Variants in ZFPM2 observed in about 807,000 individuals in gnomAD.
ZFPM2 encodes zinc finger protein, FOG family member 2.
In ZFPM2, 20 loss-of-function variants were observed where a neutral mutation model predicts 98.6. The observed-to-expected ratio is 0.20, with a 90% CI of 0.14 to 0.29. ZFPM2 has a LOEUF of 0.29. ZFPM2 is among the 10% of genes least tolerant of loss of function. The pLI, the probability that ZFPM2 is intolerant of heterozygous loss-of-function variation, is 1.00. For synonymous variants in ZFPM2, 518 were observed against 502.7 expected, an observed-to-expected ratio of 1.03 and a Z score of -0.41; for missense variants, 1,310 against 1,388.6, an observed-to-expected ratio of 0.94 and a Z score of 0.90.
chr8:105,600,411 A>T lies in ZFPM2; in HGVS notation c.421-33835A>T, dbSNP rs768604708. On this transcript the variant is annotated intron_variant, in intron 4 of 7. Transcript: ENST00000407775. ...TAAGGAAAACTGCATATGTATAAAA[A>T]AATACATCATTGAAACATTGAAGTC... Among the ~76,000 whole-genome samples, 66 of 152,144 alleles carry T rather than the reference A, an allele frequency of 4.3e-4. 2 individuals are homozygous for T. Among genetic ancestry groups the T allele is most frequent in the Non-Finnish European group, 1.0e-4 (7 of 68,016 alleles).
intron 1 of ZFPM2, among the ~76,000 whole-genome samples, chr8:105,327,160 A>G (rs1812130391): frequency 6.6e-6 from 1 of 151,350 alleles, no homozygotes; most frequent in Admixed American, 6.6e-5. Flanking sequence ...AAGATTTTTT[A>G]GCTAGTTGAC....
chr8:105,768,828 C>A (rs1322772536), intron 5 of ZFPM2, among the ~76,000 whole-genome samples: 1 of 151,700 alleles, frequency 6.6e-6, no homozygotes, highest in Non-Finnish European at 1.5e-5. Context: ...TACATACACA[C>A]ACACACACAC....
chr8:105,736,209 A>G (rs1277017014), intron 5 of ZFPM2, among the ~76,000 whole-genome samples: 1 of 152,010 alleles, frequency 6.6e-6, no homozygotes, highest in Non-Finnish European at 1.5e-5. Flanking sequence ...CAAGATATCT[A>G]TGAGTTGAAG....
rs374287758 is a variant in ZFPM2, at chr8:105,324,488, G to A, written c.40+5507G>A. On this transcript the variant is annotated intron_variant, in intron 1 of 7. Coordinates refer to ENST00000407775, the MANE Select transcript of ZFPM2 (RefSeq NM_012082.4). ...TTCAAATGATTTTTAAAAAAGAAAC[G>A]AAAGTCTAATTAGCCATTTCACTAT... Among the ~76,000 whole-genome samples, 56 of 151,806 alleles carry A rather than the reference G, an allele frequency of 3.7e-4. No individual in the cohort carries two copies. In the South Asian group the frequency reaches 9.1e-3, roughly 25 times the overall value.
intron 5 of ZFPM2, among the ~76,000 whole-genome samples, chr8:105,717,332 A>G (rs1182031841): frequency 6.6e-6 from 1 of 151,994 alleles, no homozygotes; most frequent in African/African-American, 2.4e-5. Flanking sequence ...GATTTTCCTC[A>G]CCACCACAGA....
At chr8:105,632,534 A>T (rs149209254) in intron 4 of ZFPM2, among the ~76,000 whole-genome samples, 5 of 152,284 alleles carry the variant, frequency 3.3e-5, no homozygotes, top group African/African-American at 1.2e-4. Context: ...AATATGCATC[A>T]TTAGGACCTA....
In ZFPM2 at chr8:105,572,750, A is replaced by G. The variant is rs551611194; in HGVS notation, c.420+11269A>G. On this transcript the variant is annotated intron_variant, in intron 4 of 7. Transcript: ENST00000407775. ...CTCCCAAAATGCTGGGATTACAGGC[A>G]TGAGCCACCGTGCCCAGCCTAAAGT... 2.8e-3 allele frequency among the ~76,000 whole-genome samples: 432 copies of G among 152,272 alleles called. 2 individuals are homozygous for G. Among genetic ancestry groups the G allele is most frequent in the African/African-American group, 0.01 (421 of 41,570 alleles).
intron 5 of ZFPM2, among the ~76,000 whole-genome samples, chr8:105,759,445 C>T (rs1812685949): frequency 6.6e-6 from 1 of 152,012 alleles, no homozygotes; most frequent in Non-Finnish European, 1.5e-5. Flanking sequence ...TCTTCCTGAG[C>T]CAGCTCAAAT....
chr8:105,411,484 A>G (rs1032422320), intron 1 of ZFPM2, among the ~76,000 whole-genome samples: 1 of 151,902 alleles, frequency 6.6e-6, no homozygotes, highest in African/African-American at 2.4e-5. Context: ...ATTTAAGTGG[A>G]TAATGAATAA....
Position 105,796,638 on chromosome 8 carries a change from C to CCAT in ZFPM2, c.740-2084_740-2082dup, listed in dbSNP as rs1264186272. ...TCGCCTTTAATGTTGTCTCCCTGAG[C>CCAT]CATCTCCTTCACTACCATGGGCTCC... is the stretch of plus-strand genomic sequence containing the variant. On this transcript the variant is annotated intron_variant, in intron 6 of 7. Coordinates refer to ENST00000407775, the MANE Select transcript of ZFPM2 (RefSeq NM_012082.4). 4 of 152,206 alleles carry CCAT rather than the reference C, an allele frequency of 2.6e-5. No individual in the cohort carries two copies. In the East Asian group the frequency reaches 7.7e-4, roughly 29 times the overall value. 9.4% of individuals were successfully genotyped at this position (152,206 alleles called of 1,614,324 possible).
chr8:105,445,937 T>C (rs549585459), intron 3 of ZFPM2, among the ~76,000 whole-genome samples: 9 of 151,784 alleles, frequency 5.9e-5, no homozygotes, highest in East Asian at 1.9e-4. Flanking sequence ...CTTTTTTTTT[T>C]TGAGACAGAG....
intron 1 of ZFPM2, among the ~76,000 whole-genome samples, chr8:105,326,278 T>C (rs1812113722): frequency 6.6e-6 from 1 of 151,760 alleles, no homozygotes; most frequent in Non-Finnish European, 1.5e-5. Context: ...TCCTCAGATA[T>C]GCTGATTACT....
intron 5 of ZFPM2, among the ~76,000 whole-genome samples, chr8:105,716,341 G>C (rs1811522658): frequency 6.6e-6 from 1 of 151,380 alleles, no homozygotes. Context: ...TCTCATATTA[G>C]ACATTGCATA....
chr8:105,386,731 G>A (rs10955394), intron 1 of ZFPM2, among the ~76,000 whole-genome samples: 9 of 151,842 alleles, frequency 5.9e-5, no homozygotes, highest in Non-Finnish European at 1.2e-4. Context: ...GTCTCTTATC[G>A]GGCCCCACCC....
chr8:105,348,493 A>G (rs1198062276), intron 1 of ZFPM2, among the ~76,000 whole-genome samples: 1 of 152,188 alleles, frequency 6.6e-6, no homozygotes, highest in African/African-American at 2.4e-5. Flanking sequence ...GTGAAAGCCT[A>G]TTGATTATAT....
At chr8:105,449,425 G>T (rs1812442579) in intron 3 of ZFPM2, among the ~76,000 whole-genome samples, 1 of 151,872 alleles carries the variant, frequency 6.6e-6, no homozygotes, top group South Asian at 2.1e-4. Flanking sequence ...TATTTAAATA[G>T]ATTTTAATAT....
chr8:105,344,272 A>G (rs1812478361), intron 1 of ZFPM2, among the ~76,000 whole-genome samples: 1 of 152,180 alleles, frequency 6.6e-6, no homozygotes, highest in African/African-American at 2.4e-5. Flanking sequence ...TGTATAAGCA[A>G]CAACCAAATC....
chr8:105,336,071 C>T (rs754977867), intron 1 of ZFPM2, among the ~76,000 whole-genome samples: 1 of 151,788 alleles, frequency 6.6e-6, no homozygotes, highest in African/African-American at 2.4e-5. Context: ...CATATATTTA[C>T]GTTTTAGAAG....
At chr8:105,671,293 G>T (rs1817589058) in intron 5 of ZFPM2, among the ~76,000 whole-genome samples, 1 of 151,702 alleles carries the variant, frequency 6.6e-6, no homozygotes, top group East Asian at 1.9e-4. Flanking sequence ...ATTTAAGTAG[G>T]TTAAAATGTT....
Sources: allele counts gnomAD v4.1 joint callset (sites outside exome capture counted in the v4.1 genomes callset), GRCh38; gene constraint gnomAD v4.1.1; transcripts MANE v1.5; gene names NCBI Gene and HGNC (gene_info 2026-07-23, HGNC 2026-07-21).